The following QSOX1 variants were observed in gnomAD, a reference collection of about 807,000 sequenced individuals.
QSOX1 encodes sulfhydryl oxidase 1.
In QSOX1, 40 loss-of-function variants were observed where a neutral mutation model predicts 76.1. The ratio of observed to expected loss-of-function variants is 0.53; its 90% CI spans 0.41 to 0.68. The LOEUF (loss-of-function observed/expected upper bound fraction) is 0.68, where lower values mean the gene tolerates loss of function less well. QSOX1 is among the 30% of genes least tolerant of loss of function. The pLI, the probability that QSOX1 is intolerant of heterozygous loss-of-function variation, is 0.00. For synonymous variants in QSOX1, 392 were observed against 413.1 expected, an observed-to-expected ratio of 0.95 and a Z score of 0.62; for missense variants, 931 against 974.3, an observed-to-expected ratio of 0.96 and a Z score of 0.59.
At chr1:180,156,253 T>G (rs1280441543) in intron 1 of QSOX1, among the ~76,000 whole-genome samples, 1 of 152,216 alleles carries the variant, frequency 6.6e-6, no homozygotes, top group Non-Finnish European at 1.5e-5. Context: ...TAGTGGGTAT[T>G]TGGCGGGCAG....
intron 7 of QSOX1, among the ~76,000 whole-genome samples, 175 bp downstream of exon 7, chr1:180,184,225 G>A (rs1005282173): frequency 2.6e-5 from 4 of 152,228 alleles, no homozygotes; most frequent in Admixed American, 6.5e-5. Context: ...GACCTTCAAT[G>A]TGTGGGAGCG....
rs1020987224 is a variant in QSOX1, at chr1:180,168,373, C to T, written c.366+1782C>T. ...GTAGTCATCTGTCCACAGACCAACA[C>T]GGTGGCCTCCCCCGGCAAAGCCTTT... is the stretch of plus-strand genomic sequence containing the variant. On this transcript the variant is annotated intron_variant, in intron 2 of 11. Coordinates refer to ENST00000367602, the MANE Select transcript of QSOX1 (RefSeq NM_002826.5). Among the ~76,000 whole-genome samples the T allele has an allele frequency of 7.5e-5, 11 of 147,194 alleles. No homozygotes were observed. In the East Asian group the frequency reaches 8.7e-4, roughly 12 times the overall value.
rs528843623 is a variant in QSOX1, at chr1:180,188,701, G to A, written c.1018-851G>A. Among the ~76,000 whole-genome samples, 10 of 152,344 alleles carry A rather than the reference G, an allele frequency of 6.6e-5. No homozygotes were observed. The East Asian group carries it at 1.7e-3, about 26-fold the overall frequency. ...AGGTTTTCCTGTTCAGTTACCATTC[G>A]TGTCTCCAGTATCCTTCTCCTCTCA... On this transcript the variant is annotated intron_variant, in intron 8 of 11. Transcript: ENST00000367602.
intron 1 of QSOX1, among the ~76,000 whole-genome samples, chr1:180,159,517 A>C (rs1321052083): frequency 6.6e-6 from 1 of 152,242 alleles, no homozygotes; most frequent in African/African-American, 2.4e-5. Flanking sequence ...ACAACACCAC[A>C]TTCTGTCTTA....
chr1:180,184,549 G>T (rs1390536195), intron 7 of QSOX1, among the ~76,000 whole-genome samples: 1 of 152,238 alleles, frequency 6.6e-6, no homozygotes, highest in South Asian at 2.1e-4. Context: ...TGTGGTGTCA[G>T]TGAGTTCACT....
chr1:180,189,959 G>C (rs1663269756), intron 9 of QSOX1, among the ~76,000 whole-genome samples: 1 of 152,262 alleles, frequency 6.6e-6, no homozygotes, highest in South Asian at 2.1e-4. Context: ...CATGGAGCCA[G>C]TAAGTGTTTG....
intron 2 of QSOX1, among the ~76,000 whole-genome samples, chr1:180,173,603 G>A (rs571150975): frequency 2.2e-3 from 342 of 152,274 alleles, no homozygotes; most frequent in African/African-American, 8.0e-3. Context: ...GTTGCAGATG[G>A]GGAGAGACAG....
intron 8 of QSOX1, 37 bp downstream of exon 8, chr1:180,186,219 C>G (rs375497597): frequency 5.0e-6 from 8 of 1,587,124 alleles, no homozygotes; most frequent in South Asian, 1.2e-5. Flanking sequence ...CTGTGCAATT[C>G]TACGGATGGT....
At chr1:180,195,729 C>G (rs1369044424) in intron 11 of QSOX1, among the ~76,000 whole-genome samples, 1 of 152,210 alleles carries the variant, frequency 6.6e-6, no homozygotes, top group Non-Finnish European at 1.5e-5. Flanking sequence ...TGGGTAAAAG[C>G]AAGGATTGCC....
intron 8 of QSOX1, 66 bp downstream of exon 8, chr1:180,186,248 G>A (rs1572051436): frequency 5.9e-5 from 1 of 16,878 alleles, no homozygotes; most frequent in Non-Finnish European, 3.0e-4. Flanking sequence ...GTTCCTGTAA[G>A]GCTGGGCACC....
intron 1 of QSOX1, among the ~76,000 whole-genome samples, chr1:180,166,144 G>C (rs111929230): frequency 3.3e-5 from 5 of 152,236 alleles, no homozygotes; most frequent in African/African-American, 1.2e-4. Flanking sequence ...GCTTTTCCTG[G>C]GGGGTGGGGG....
rs200017725 is a variant in QSOX1 at position 180,196,885 on chromosome 1, C to T, written c.2092C>T (p.Leu698=). The T allele has an allele frequency of 6.3e-7, 1 of 1,593,566 alleles. No individual in the cohort carries two copies. The highest frequency in any genetic ancestry group is 8.6e-7 in the Non-Finnish European group (1 of 1,167,618). The change falls in exon 12 of 12, where the codon CTG becomes TTG. Residue 698 remains leucine, a synonymous_variant. Coordinates refer to ENST00000367602, the MANE Select transcript of QSOX1 (RefSeq NM_002826.5). This position sits in a 1 kb window ranked among gnomAD's most constrained non-coding sequence, Gnocchi z 4.1. ...AGCTGGACGGGGCCGAGGCCAGTGG[C>T]TGCAGGTGCTGGGAGGGGGCTTCTC... is the stretch of plus-strand genomic sequence containing the variant. ...ARAGRGRGQW[L]QVLGGGFSYL...
chr1:180,175,913 G>A lies in QSOX1; in HGVS notation c.413-18G>A, dbSNP rs765183933. On this transcript the variant is annotated intron_variant, in intron 3 of 11. Coordinates refer to ENST00000367602, the MANE Select transcript of QSOX1 (RefSeq NM_002826.5). The stretch of plus-strand genomic sequence containing the variant: ...TCTGCTCTCCTGACACTCCGCTCAC[G>A]CCTGTTTTCATTTACAGTGGCTGGT... The A allele has an allele frequency of 6.4e-6, 10 of 1,565,016 alleles. No individual in the cohort carries two copies. The East Asian group carries it at 6.9e-5, about 11-fold the overall frequency.
At chr1:180,172,122 G>A (rs1044964556) in intron 2 of QSOX1, among the ~76,000 whole-genome samples, 9 of 152,162 alleles carry the variant, frequency 5.9e-5, no homozygotes, top group Admixed American at 3.9e-4. Flanking sequence ...GCGGTTACTC[G>A]AGAAGGAAGG....
chr1:180,186,195 A>G lies in QSOX1; in HGVS notation c.1017+13A>G, dbSNP rs1663166712. 1.2e-5 allele frequency: 20 copies of G among 1,607,946 alleles called. No homozygotes were observed. The highest frequency in any genetic ancestry group is 1.6e-5 in the Non-Finnish European group (19 of 1,177,130). ...AGTGCTGGCCAAGGTGAGCAGGGCC[A>G]TGGCTTCCCTTGTCTGTGCAATTCT... On this transcript the variant is annotated intron_variant, in intron 8 of 11. Transcript: ENST00000367602.
intron 7 of QSOX1, among the ~76,000 whole-genome samples, chr1:180,185,436 G>A (rs964677286): frequency 6.6e-6 from 1 of 152,220 alleles, no homozygotes; most frequent in Non-Finnish European, 1.5e-5. Context: ...GGGCCAGCAT[G>A]GAGCCTCCGG....
In QSOX1 at chr1:180,186,292, G is replaced by A. The variant is rs948243427; in HGVS notation, c.1017+110G>A. On this transcript the variant is annotated intron_variant, in intron 8 of 11. Coordinates refer to ENST00000367602, the MANE Select transcript of QSOX1 (RefSeq NM_002826.5). The stretch of plus-strand genomic sequence containing the variant: ...CCCTCCCTCCAGAAGCCCATGGTCT[G>A]GCTGGACACCTGGACCCACAGCTCT... The A allele has an allele frequency of 1.3e-5, 19 of 1,435,218 alleles. No homozygotes were observed. In the Admixed American group the frequency reaches 1.8e-4, roughly 13 times the overall value. The allele number at this position is 1,435,218 out of a possible 1,614,324, so 88.9% of individuals were successfully genotyped here. A position where few individuals can be genotyped will look rare whatever the true frequency, so the allele number is the denominator to read the frequency against.
chr1:180,191,418 G>A (rs1011772328), intron 10 of QSOX1, among the ~76,000 whole-genome samples: 6 of 152,334 alleles, frequency 3.9e-5, no homozygotes, highest in African/African-American at 1.2e-4. Flanking sequence ...TAGGGATTCC[G>A]CCAGGAGAGG....
intron 8 of QSOX1, among the ~76,000 whole-genome samples, chr1:180,186,665 G>A (rs920155824): frequency 5.3e-5 from 8 of 152,220 alleles, no homozygotes; most frequent in South Asian, 2.1e-4. Flanking sequence ...TAGTTTCCCC[G>A]GGAAGGTGGC....
Sources: gnomAD v4.1 joint callset for allele counts (sites outside exome capture counted in the v4.1 genomes callset) on GRCh38, gnomAD v4.1.1 for gene constraint, Gnocchi (gnomAD v3.1) non-coding constraint, MANE v1.5 for transcripts, NCBI Gene and HGNC (gene_info 2026-07-23, HGNC 2026-07-21) for gene names.